LHFPL3: variants seen among roughly 807,000 people sequenced by gnomAD.
LHFPL3 encodes LHFPL tetraspan subfamily member 3 protein.
Under a neutral mutation model 19.3 loss-of-function variants are expected in LHFPL3, and 5 were observed. That is an observed-to-expected ratio of 0.26 (90% confidence interval 0.14 to 0.54). The LOEUF (loss-of-function observed/expected upper bound fraction) is 0.54, where lower values mean the gene tolerates loss of function less well. LHFPL3 is among the 20% of genes least tolerant of loss of function. LHFPL3 has a pLI of 0.94. For missense variants in LHFPL3, 249 were observed against 307.4 expected, an observed-to-expected ratio of 0.81 and a Z score of 1.42; for synonymous variants, 133 against 126.2, an observed-to-expected ratio of 1.05 and a Z score of -0.36.
At chr7:104,799,844 C>T (rs1790206001) in intron 2 of LHFPL3, 1 of 153,348 alleles carries the variant, frequency 6.5e-6, no homozygotes, top group African/African-American at 2.4e-5. Flanking sequence ...CATGACTTGC[C>T]TTCCCATGAC....
At chr7:104,854,997 G>A (rs1791477444) in intron 2 of LHFPL3, among the ~76,000 whole-genome samples, 2 of 152,208 alleles carry the variant, frequency 1.3e-5, no homozygotes. Context: ...TCTTTAGTCT[G>A]GCGTGGGAAG....
chr7:104,575,559 T>TAAAAAAAAAAA lies in LHFPL3; in HGVS notation c.446-161099_446-161089dup, dbSNP rs58118006. 1.1e-3 allele frequency among the ~76,000 whole-genome samples: 39 copies of TAAAAAAAAAAA among 36,168 alleles called. 2 individuals are homozygous for TAAAAAAAAAAA. The highest frequency in any genetic ancestry group is 2.3e-3 in the African/African-American group (29 of 12,744). 23.7% of individuals were successfully genotyped at this position (36,168 alleles called of 152,430 possible). ...ACAGCTGATAGTGTCCAAAGAGATCTAAAAAAAAAAAAAAAAAAAAAAAAA... is the reference window on the plus strand; with the variant it reads ...ACAGCTGATAGTGTCCAAAGAGATCTAAAAAAAAAAAAAAAAAAAAAAAAAAAAAAAAAAAA... On this transcript the variant is annotated intron_variant, in intron 1 of 2. Coordinates refer to ENST00000424859, the MANE Select transcript of LHFPL3 (RefSeq NM_199000.3).
chr7:104,480,175 A>G (rs1236071873), intron 1 of LHFPL3, among the ~76,000 whole-genome samples: 1 of 152,222 alleles, frequency 6.6e-6, no homozygotes, highest in Non-Finnish European at 1.5e-5. Context: ...TGTGAAATCC[A>G]TGATTAATCA....
rs190884743 is a variant in LHFPL3, at chr7:104,448,831, A to C, written c.445+119607A>C. ...TTTTATAATGTTTAGGCCCTGGAAA[A>C]AATGTTTACTTGATCATTTTAATCT... is the stretch of plus-strand genomic sequence containing the variant. On this transcript the variant is annotated intron_variant, in intron 1 of 2. Coordinates refer to ENST00000424859, the MANE Select transcript of LHFPL3 (RefSeq NM_199000.3). 5.8e-4 allele frequency among the ~76,000 whole-genome samples: 88 copies of C among 152,294 alleles called. 1 individual carries two copies. In the East Asian group the frequency reaches 0.016, roughly 27 times the overall value.
At chr7:104,760,447 G>A (rs1395191215) in intron 2 of LHFPL3, among the ~76,000 whole-genome samples, 1 of 152,092 alleles carries the variant, frequency 6.6e-6, no homozygotes, top group African/African-American at 2.4e-5. Context: ...TCTTCCCTCA[G>A]TTCTTGCAAG....
intron 2 of LHFPL3, among the ~76,000 whole-genome samples, chr7:104,790,913 C>T (rs550184125): frequency 2.0e-5 from 3 of 152,316 alleles, no homozygotes; most frequent in African/African-American, 7.2e-5. Context: ...AAATACTATT[C>T]AAATGTACGG....
intron 1 of LHFPL3, among the ~76,000 whole-genome samples, chr7:104,364,588 G>C (rs916748520): frequency 1.3e-5 from 2 of 152,098 alleles, no homozygotes; most frequent in East Asian, 3.9e-4. Context: ...GCTGGGTTAT[G>C]GTCACAACTA....
chr7:104,511,827 TA>T (rs1793819570), intron 1 of LHFPL3, among the ~76,000 whole-genome samples: 1 of 152,058 alleles, frequency 6.6e-6, no homozygotes, highest in South Asian at 2.1e-4. Context: ...AAAAGAAAAT[TA>T]AAATTTTCCA....
intron 2 of LHFPL3, among the ~76,000 whole-genome samples, chr7:104,820,946 A>C (rs945303454): frequency 6.6e-6 from 1 of 152,102 alleles, no homozygotes; most frequent in Non-Finnish European, 1.5e-5. Context: ...GCCTAGAGAG[A>C]CACCCTCAGT....
rs575866838 is a variant in LHFPL3 at position 104,742,892 on chromosome 7, G to T, written c.682+5981G>T. 6.6e-5 allele frequency among the ~76,000 whole-genome samples: 10 copies of T among 152,184 alleles called. No homozygotes were observed. In the East Asian group the frequency reaches 1.7e-3, roughly 26 times the overall value. ...CAAAGGGGATGGGAGGCCGAGTCAG[G>T]ATGATCACTGGGACAGGAGTTTGAG... On this transcript the variant is annotated intron_variant, in intron 2 of 2. Coordinates refer to ENST00000424859, the MANE Select transcript of LHFPL3 (RefSeq NM_199000.3).
intron 1 of LHFPL3, among the ~76,000 whole-genome samples, chr7:104,493,493 T>A (rs1246927911): frequency 2.6e-5 from 4 of 151,940 alleles, no homozygotes; most frequent in Non-Finnish European, 2.9e-5. Flanking sequence ...TGCTGGAGTT[T>A]TTCAGCTAGA....
intron 1 of LHFPL3, among the ~76,000 whole-genome samples, chr7:104,697,642 T>G (rs576951709): frequency 6.6e-6 from 1 of 152,368 alleles, no homozygotes; most frequent in African/African-American, 2.4e-5. Context: ...ATTTTGGAGA[T>G]CCAAACAGTT....
At chr7:104,675,904 T>C (rs1792580841) in intron 1 of LHFPL3, among the ~76,000 whole-genome samples, 1 of 152,166 alleles carries the variant, frequency 6.6e-6, no homozygotes, top group African/African-American at 2.4e-5. Context: ...ATGCAAGCAT[T>C]TAGAGATGAG....
At chr7:104,832,705 G>A (rs1218459359) in intron 2 of LHFPL3, among the ~76,000 whole-genome samples, 2 of 147,438 alleles carry the variant, frequency 1.4e-5, no homozygotes, top group African/African-American at 2.5e-5. Flanking sequence ...GGATGGGCAC[G>A]GTGGCTCACT....
intron 1 of LHFPL3, among the ~76,000 whole-genome samples, chr7:104,702,064 C>A (rs1034899329): frequency 1.8e-4 from 27 of 151,262 alleles, no homozygotes; most frequent in African/African-American, 6.3e-4. Context: ...GTGTGATGTT[C>A]CCCTCCCTGT....
intron 1 of LHFPL3, among the ~76,000 whole-genome samples, chr7:104,706,309 A>G (rs1411431749): frequency 1.3e-5 from 2 of 151,948 alleles, no homozygotes; most frequent in Non-Finnish European, 2.9e-5. Flanking sequence ...GAACCAGAAA[A>G]GGATATTACT....
intron 1 of LHFPL3, among the ~76,000 whole-genome samples, chr7:104,394,407 T>C (rs1268851661): frequency 1.3e-5 from 2 of 152,234 alleles, no homozygotes; most frequent in Non-Finnish European, 2.9e-5. Context: ...AATTATCTTT[T>C]GTATACCCTT....
chr7:104,883,247 C>T (rs1792088371), intron 2 of LHFPL3, among the ~76,000 whole-genome samples: 1 of 151,678 alleles, frequency 6.6e-6, no homozygotes, highest in Admixed American at 6.6e-5. Flanking sequence ...GATCTCTTTT[C>T]ATAACATTCT....
intron 1 of LHFPL3, among the ~76,000 whole-genome samples, chr7:104,694,146 T>C (rs1792956742): frequency 6.6e-6 from 1 of 152,224 alleles, no homozygotes; most frequent in Admixed American, 6.5e-5. Context: ...TTTATCACCA[T>C]CTAACCAAAG....
Sources: allele counts gnomAD v4.1 joint callset (sites outside exome capture counted in the v4.1 genomes callset), GRCh38; gene constraint gnomAD v4.1.1; transcripts MANE v1.5; gene names NCBI Gene and HGNC (gene_info 2026-07-23, HGNC 2026-07-21).